PSD3: variants seen among roughly 807,000 people sequenced by gnomAD.
PSD3 encodes the protein pleckstrin and Sec7 domain containing 3, also known as PH and SEC7 domain-containing protein 3.
PSD3 carries 49 observed loss-of-function variants against 105.5 expected under a neutral mutation model. The observed-to-expected ratio is 0.46, with a 90% CI of 0.37 to 0.59. The LOEUF (loss-of-function observed/expected upper bound fraction) is 0.59. Among genes scored for constraint, PSD3 ranks in the 20% least tolerant of loss-of-function variants. The pLI is 0.00. For missense variants in PSD3, 1,561 were observed against 1,263.8 expected (o/e 1.24, Z -3.57); for synonymous variants, 557 against 457.8 (o/e 1.22, Z -2.77).
At chr8:18,765,203 G>C (rs1212366052) in intron 9 of PSD3, among the ~76,000 whole-genome samples, 1 of 152,070 alleles carries the variant, frequency 6.6e-6, no homozygotes, top group Non-Finnish European at 1.5e-5. Flanking sequence ...CTCACTATTT[G>C]TATCACCAAC....
At chr8:18,646,264 G>C (rs905547978) in intron 10 of PSD3, among the ~76,000 whole-genome samples, 1 of 151,806 alleles carries the variant, frequency 6.6e-6, no homozygotes, top group Non-Finnish European at 1.5e-5. Flanking sequence ...TAACTTTTTC[G>C]AGCAAGAAAG....
intron 4 of PSD3, among the ~76,000 whole-genome samples, chr8:18,857,676 G>A (rs78677606): frequency 1.4e-3 from 212 of 152,242 alleles, no homozygotes; most frequent in African/African-American, 4.8e-3. Flanking sequence ...AAACTTCCAC[G>A]TGAATGTAAA....
intron 6 of PSD3, among the ~76,000 whole-genome samples, chr8:18,802,634 G>A (rs1344638645): frequency 3.9e-5 from 6 of 152,042 alleles, no homozygotes; most frequent in Admixed American, 6.6e-5. Context: ...AGAGCCCCAC[G>A]ATAAATCACT....
intron 2 of PSD3, among the ~76,000 whole-genome samples, chr8:18,934,861 C>T (rs555160749): frequency 2.0e-5 from 3 of 152,190 alleles, no homozygotes; most frequent in Non-Finnish European, 4.4e-5. Context: ...CCTTTATCAT[C>T]GGTTTTCCAT....
At chr8:18,758,849 C>T (rs1008358024) in intron 9 of PSD3, among the ~76,000 whole-genome samples, 3 of 152,036 alleles carry the variant, frequency 2.0e-5, no homozygotes, top group African/African-American at 7.2e-5. Context: ...TGGAGGTATC[C>T]TACATATTCT....
At chr8:18,723,233 G>C (rs1303941366) in intron 9 of PSD3, among the ~76,000 whole-genome samples, 1 of 152,152 alleles carries the variant, frequency 6.6e-6, no homozygotes, top group African/African-American at 2.4e-5. Context: ...GTTCTAGCTT[G>C]TTTGAAAAGC....
chr8:18,682,673 A>G (rs560229906), intron 9 of PSD3, among the ~76,000 whole-genome samples: 2 of 152,146 alleles, frequency 1.3e-5, no homozygotes, highest in Non-Finnish European at 1.5e-5. Context: ...AAGCCAACAT[A>G]TTTCTTAAAG....
chr8:18,955,809 C>T (rs999062846), intron 1 of PSD3, among the ~76,000 whole-genome samples: 5 of 151,704 alleles, frequency 3.3e-5, no homozygotes, highest in African/African-American at 4.9e-5. Flanking sequence ...CATTCTGTTG[C>T]CCAGGCTGGA....
At chr8:18,796,582 A>C (rs1363438439) in intron 8 of PSD3, among the ~76,000 whole-genome samples, 1 of 152,210 alleles carries the variant, frequency 6.6e-6, no homozygotes, top group Non-Finnish European at 1.5e-5. Context: ...ACCAAGGCCC[A>C]TATTAATGCA....
intron 10 of PSD3, among the ~76,000 whole-genome samples, chr8:18,638,247 C>T (rs369004155): frequency 2.0e-5 from 3 of 151,364 alleles, no homozygotes; most frequent in South Asian, 4.2e-4. Context: ...TCCTCTAAGA[C>T]CATGAACAAG....
intron 2 of PSD3, among the ~76,000 whole-genome samples, chr8:18,882,617 C>A (rs1818180044): frequency 6.6e-6 from 1 of 152,066 alleles, no homozygotes; most frequent in African/African-American, 2.4e-5. Context: ...GAGCTGATAC[C>A]ATTAAGTATA....
chr8:19,029,356 T>C (rs1827677133), intron 1 of PSD3, among the ~76,000 whole-genome samples: 1 of 152,196 alleles, frequency 6.6e-6, no homozygotes, highest in African/African-American at 2.4e-5. Context: ...TTTCAGTGTA[T>C]AGTACTTGCA....
intron 4 of PSD3, among the ~76,000 whole-genome samples, chr8:18,859,089 C>T (rs1261360139): frequency 6.6e-6 from 1 of 152,144 alleles, no homozygotes; most frequent in Non-Finnish European, 1.5e-5. Flanking sequence ...AATTACTCCT[C>T]GATCCATGGT....
intron 4 of PSD3, among the ~76,000 whole-genome samples, chr8:18,843,436 A>G (rs1814820777): frequency 1.3e-5 from 2 of 152,182 alleles, no homozygotes; most frequent in African/African-American, 4.8e-5. Context: ...GAATATTTTA[A>G]TTTCTCCATT....
chr8:19,006,559 A>T (rs1319048256), intron 1 of PSD3, among the ~76,000 whole-genome samples: 5 of 152,084 alleles, frequency 3.3e-5, no homozygotes, highest in Admixed American at 2.6e-4. Flanking sequence ...GACTACTCCT[A>T]CATGGCTAAC....
intron 9 of PSD3, among the ~76,000 whole-genome samples, chr8:18,757,384 A>G (rs570664538): frequency 6.6e-6 from 1 of 152,260 alleles, no homozygotes; most frequent in East Asian, 1.9e-4. Flanking sequence ...GAATCACTTG[A>G]ACCCAGGAGG....
chr8:18,789,843 C>T lies in PSD3; in HGVS notation c.2082+9452G>A, dbSNP rs182156024. Among the ~76,000 whole-genome samples the T allele has an allele frequency of 1.4e-3, 211 of 152,252 alleles. 1 individual carries two copies. Among genetic ancestry groups the T allele is most frequent in the African/African-American group, 4.3e-3 (180 of 41,562 alleles). On this transcript the variant is annotated intron_variant, in intron 8 of 15. Transcript: ENST00000327040. ...TCAATTTGCAGAAAGTAAGAAAGAG[C>T]GAAACTGACTTAGAATTTGACCTGC... is the stretch of plus-strand genomic sequence containing the variant.
At chr8:18,928,610 G>A (rs150956507) in intron 2 of PSD3, among the ~76,000 whole-genome samples, 1 of 152,146 alleles carries the variant, frequency 6.6e-6, no homozygotes, top group African/African-American at 2.4e-5. Context: ...AAAATCTCTA[G>A]AGATAAAAAG....
At chr8:18,815,732 C>G (rs1282760462) in intron 4 of PSD3, among the ~76,000 whole-genome samples, 1 of 151,510 alleles carries the variant, frequency 6.6e-6, no homozygotes, top group African/African-American at 2.4e-5. Context: ...TGCTGACACA[C>G]CCACTGACGA....
Sources: allele counts gnomAD v4.1 joint callset (sites outside exome capture counted in the v4.1 genomes callset), GRCh38; gene constraint gnomAD v4.1.1; transcripts MANE v1.5; gene names NCBI Gene and HGNC (gene_info 2026-07-23, HGNC 2026-07-21).